Variants in ANO10 observed in about 807,000 individuals in gnomAD.
ANO10 encodes anoctamin 10.
ANO10 carries 77 observed loss-of-function variants against 74.7 expected under a neutral mutation model. The observed-to-expected ratio is 1.03, with a 90% confidence interval of 0.86 to 1.25. The LOEUF (loss-of-function observed/expected upper bound fraction) is 1.25. Among genes scored for constraint, ANO10 ranks in the 50% most tolerant of loss-of-function variants. ANO10 has a pLI of 0.00. For synonymous variants in ANO10, 279 were observed against 284.9 expected (o/e 0.98, Z 0.21); for missense variants, 721 against 778.1 (o/e 0.93, Z 0.87).
intron 12 of ANO10, among the ~76,000 whole-genome samples, chr3:43,425,397 T>TG (rs1001175864): frequency 7.5e-4 from 114 of 151,896 alleles, no homozygotes; most frequent in African/African-American, 2.6e-3. Context: ...TACGAAATGT[T>TG]GAAAAAAACC....
At chr3:43,627,518 G>A (rs1420663281) in intron 1 of ANO10, among the ~76,000 whole-genome samples, 3 of 152,238 alleles carry the variant, frequency 2.0e-5, no homozygotes, top group African/African-American at 7.2e-5. Flanking sequence ...TAACACCCAG[G>A]AAGCTGAAGA....
chr3:43,386,781 C>T (rs1174423069), intron 12 of ANO10, among the ~76,000 whole-genome samples: 1 of 151,954 alleles, frequency 6.6e-6, no homozygotes, highest in Non-Finnish European at 1.5e-5. Flanking sequence ...CAGCAACCCA[C>T]ATGCATCCCT....
intron 12 of ANO10, among the ~76,000 whole-genome samples, chr3:43,412,402 T>C (rs1332559651): frequency 6.6e-6 from 1 of 152,146 alleles, no homozygotes; most frequent in African/African-American, 2.4e-5. Flanking sequence ...CCAAGACCTG[T>C]GGCTGTTGAC....
chr3:43,660,791 C>T (rs867097733), intron 1 of ANO10, among the ~76,000 whole-genome samples: 50 of 152,224 alleles, frequency 3.3e-4, no homozygotes, highest in African/African-American at 1.1e-3. Context: ...CCTGTCTCTA[C>T]TAAAACTACA....
Position 43,580,450 on chromosome 3 carries a change from GC to G in ANO10, c.494del (p.Gly165AlafsTer3). 5.6e-6 allele frequency: 9 copies of G among 1,613,864 alleles called. No individual in the cohort carries two copies. The highest frequency in any genetic ancestry group is 7.6e-6 in the Non-Finnish European group (9 of 1,179,986). On this transcript the variant is annotated frameshift_variant, in exon 5 of 13. Transcript: ENST00000292246. LOFTEE classifies it high-confidence loss of function. ...KSLLRRLLTS[G>X]IVIQVFPLHD... ...GCAGTGGAAACACCTGAATCACGAT[GC>G]CAGACGTGAGCAATCTTCTCACTGC...
chr3:43,529,845 A>G (rs887333631), intron 11 of ANO10, among the ~76,000 whole-genome samples: 3 of 152,146 alleles, frequency 2.0e-5, no homozygotes, highest in African/African-American at 4.8e-5. Context: ...CTTGCTCCCT[A>G]CCAAGGAAAG....
At chr3:43,486,675 G>T in intron 11 of ANO10, among the ~76,000 whole-genome samples, 3 of 143,616 alleles carry the variant, frequency 2.1e-5, no homozygotes, top group African/African-American at 5.1e-5. Flanking sequence ...CTTTGCTGAA[G>T]TTGCTTATCA....
intron 11 of ANO10, among the ~76,000 whole-genome samples, chr3:43,471,782 T>A (rs2075866968): frequency 6.6e-6 from 1 of 152,040 alleles, no homozygotes; most frequent in Admixed American, 6.6e-5. Context: ...CTAAAAAAAA[T>A]TTCTTTTTAA....
chr3:43,503,914 G>T (rs2077188217), intron 11 of ANO10, among the ~76,000 whole-genome samples: 1 of 152,014 alleles, frequency 6.6e-6, no homozygotes, highest in Non-Finnish European at 1.5e-5. Context: ...ATCTGAATAA[G>T]GCTGCCATTT....
chr3:43,632,787 C>T (rs779364471), intron 1 of ANO10, among the ~76,000 whole-genome samples: 2 of 152,134 alleles, frequency 1.3e-5, no homozygotes, highest in African/African-American at 2.4e-5. Flanking sequence ...AGGTAATTCA[C>T]GATTTGATTT....
chr3:43,640,684 T>C (rs1575575153), intron 1 of ANO10, among the ~76,000 whole-genome samples: 1 of 152,242 alleles, frequency 6.6e-6, no homozygotes, highest in Non-Finnish European at 1.5e-5. Flanking sequence ...AATGCATTTT[T>C]CCATTGCCAC....
intron 11 of ANO10, among the ~76,000 whole-genome samples, chr3:43,544,796 T>TAAAAAAAAAAAA (rs556665373): frequency 9.0e-6 from 1 of 110,938 alleles, no homozygotes; most frequent in Non-Finnish European, 1.8e-5. Context: ...CTGTCTGAAA[T>TAAAAAAAAAAAA]AAAAAAAAAA....
intron 1 of ANO10, among the ~76,000 whole-genome samples, chr3:43,662,328 G>A (rs2083935743): frequency 6.6e-6 from 1 of 152,078 alleles, no homozygotes; most frequent in South Asian, 2.1e-4. Flanking sequence ...ACAAAATGAA[G>A]GCAGAAATAA....
chr3:43,535,446 T>C (rs59884378), intron 11 of ANO10, among the ~76,000 whole-genome samples: 2,537 of 151,950 alleles, frequency 0.017, 61 homozygotes, highest in African/African-American at 0.057. Context: ...CAGCTAATTT[T>C]TGTATTTTTA....
intron 11 of ANO10, among the ~76,000 whole-genome samples, chr3:43,444,017 T>C (rs1476678742): frequency 6.6e-6 from 1 of 152,084 alleles, no homozygotes; most frequent in Non-Finnish European, 1.5e-5. Context: ...AAAAGGTGAT[T>C]GGGGGAAATA....
intron 11 of ANO10, among the ~76,000 whole-genome samples, chr3:43,531,342 G>A (rs1308527762): frequency 1.3e-5 from 2 of 152,022 alleles, no homozygotes; most frequent in African/African-American, 4.8e-5. Context: ...CATCTTAATA[G>A]TGGCTTATAA....
chr3:43,688,235 C>A (rs1233314912), intron 1 of ANO10, among the ~76,000 whole-genome samples: 1 of 152,088 alleles, frequency 6.6e-6, no homozygotes, highest in African/African-American at 2.4e-5. Context: ...TCCATAAAGA[C>A]CAAAGCGCTA....
At chr3:43,646,379 C>T (rs2083726245) in intron 1 of ANO10, among the ~76,000 whole-genome samples, 1 of 152,152 alleles carries the variant, frequency 6.6e-6, no homozygotes, top group Admixed American at 6.5e-5. Flanking sequence ...TGCTACCTGT[C>T]CTGATCCTTG....
chr3:43,567,409 A>G (rs2080425000), intron 7 of ANO10, among the ~76,000 whole-genome samples: 1 of 152,184 alleles, frequency 6.6e-6, no homozygotes, highest in South Asian at 2.1e-4. Flanking sequence ...ATATGAAGGA[A>G]AAAATGTTAA....
Sources: gnomAD v4.1 joint callset for allele counts (sites outside exome capture counted in the v4.1 genomes callset) on GRCh38, gnomAD v4.1.1 for gene constraint, MANE v1.5 for transcripts, NCBI Gene and HGNC (gene_info 2026-07-23, HGNC 2026-07-21) for gene names.